ACOXL: variants seen among roughly 807,000 people sequenced by gnomAD.
The protein encoded by ACOXL is acyl-CoA oxidase like, also known as acyl-coenzyme A oxidase-like protein.
ACOXL carries 70 observed loss-of-function variants against 71.9 expected under a neutral mutation model. That is an observed-to-expected ratio of 0.97 (90% confidence interval 0.80 to 1.19). ACOXL has a LOEUF of 1.19. Among genes scored for constraint, ACOXL ranks in the 50% most tolerant of loss-of-function variants. The pLI is 0.00. For synonymous variants in ACOXL, 253 were observed against 281.6 expected, an observed-to-expected ratio of 0.90 and a Z score of 1.02; for missense variants, 703 against 736.3, an observed-to-expected ratio of 0.95 and a Z score of 0.52.
chr2:110,893,863 A>G (rs1191377371), intron 10 of ACOXL, among the ~76,000 whole-genome samples: 2 of 152,184 alleles, frequency 1.3e-5, no homozygotes. Flanking sequence ...ATATTTTCTT[A>G]TTCCTCATAG....
chr2:110,836,285 T>A (rs1462974082), intron 9 of ACOXL, among the ~76,000 whole-genome samples: 1 of 152,156 alleles, frequency 6.6e-6, no homozygotes, highest in East Asian at 1.9e-4. Flanking sequence ...GTTACAGAAA[T>A]CTGTCCTGTG....
intron 12 of ACOXL, among the ~76,000 whole-genome samples, chr2:110,957,182 C>A (rs776810993): frequency 2.0e-5 from 3 of 151,098 alleles, no homozygotes; most frequent in Non-Finnish European, 4.4e-5. Flanking sequence ...TACCACCCAT[C>A]GACCCCACCA....
intron 11 of ACOXL, among the ~76,000 whole-genome samples, chr2:110,928,874 C>T (rs1054953289): frequency 2.0e-4 from 31 of 152,224 alleles, no homozygotes; most frequent in African/African-American, 6.5e-4. Context: ...ACTTGTCTCC[C>T]ATTGTCTTCT....
rs138463201 is a variant in ACOXL at position 110,982,089 on chromosome 2, C to T, written c.1060-5019C>T. Among the ~76,000 whole-genome samples, 326 of 152,264 alleles carry T rather than the reference C, an allele frequency of 2.1e-3. 1 individual carries two copies. Among genetic ancestry groups the T allele is most frequent in the Non-Finnish European group, 3.6e-3 (244 of 68,018 alleles). On this transcript the variant is annotated intron_variant, in intron 12 of 17. Coordinates refer to ENST00000439055, the MANE Select transcript of ACOXL (RefSeq NM_001142807.4). Reference sequence around the variant, plus strand: ...CTGGGCCTAAATCACTGCTTCAGATCCATCCATCCTTCCTGGTTTGAAGTT... The same window carrying T: ...CTGGGCCTAAATCACTGCTTCAGATTCATCCATCCTTCCTGGTTTGAAGTT...
chr2:110,754,128 A>G (rs965395255), intron 1 of ACOXL, among the ~76,000 whole-genome samples: 2 of 145,654 alleles, frequency 1.4e-5, no homozygotes, highest in Non-Finnish European at 3.0e-5. Flanking sequence ...GCTGGAGTGC[A>G]GTGGCATGAT....
At chr2:111,035,556 G>A (rs566902919) in intron 15 of ACOXL, among the ~76,000 whole-genome samples, 2 of 152,230 alleles carry the variant, frequency 1.3e-5, no homozygotes, top group South Asian at 2.1e-4. Flanking sequence ...TCTCATTCTC[G>A]AAGCTTGTGA....
intron 12 of ACOXL, among the ~76,000 whole-genome samples, chr2:110,942,380 C>T (rs1455204208): frequency 1.3e-5 from 2 of 152,032 alleles, no homozygotes; most frequent in Admixed American, 6.6e-5. Context: ...AAAGATGCAC[C>T]ATGTTAATGC....
intron 9 of ACOXL, among the ~76,000 whole-genome samples, chr2:110,820,665 T>A (rs1688490832): frequency 6.6e-6 from 1 of 152,166 alleles, no homozygotes; most frequent in Admixed American, 6.5e-5. Flanking sequence ...TGGAGACTGT[T>A]ATACCTCTGG....
intron 10 of ACOXL, among the ~76,000 whole-genome samples, chr2:110,847,716 C>T (rs71431126): frequency 0.019 from 2,874 of 152,280 alleles, 48 homozygotes; most frequent in Middle Eastern, 0.037. Context: ...TTATAGTCAC[C>T]GGCCCCGTAA....
At chr2:110,828,537 T>C (rs748329106) in intron 9 of ACOXL, among the ~76,000 whole-genome samples, 1 of 152,230 alleles carries the variant, frequency 6.6e-6, no homozygotes, top group African/African-American at 2.4e-5. Flanking sequence ...TTTTTCTAGA[T>C]TGAATTCCTG....
At chr2:110,977,078 T>G (rs1159171254) in intron 12 of ACOXL, among the ~76,000 whole-genome samples, 2 of 152,134 alleles carry the variant, frequency 1.3e-5, no homozygotes, top group East Asian at 3.9e-4. Context: ...CAAGTATATT[T>G]AAAACCATTA....
intron 16 of ACOXL, among the ~76,000 whole-genome samples, chr2:111,085,357 C>T (rs960194493): frequency 6.6e-6 from 1 of 152,128 alleles, no homozygotes; most frequent in Admixed American, 6.6e-5. Flanking sequence ...AATTCAAAAA[C>T]ACTGAAATCA....
chr2:110,734,208 A>G (rs911559777), intron 1 of ACOXL, among the ~76,000 whole-genome samples: 4 of 151,934 alleles, frequency 2.6e-5, no homozygotes, highest in Non-Finnish European at 5.9e-5. Context: ...TTTCTGTTTT[A>G]ATTTCTAATA....
Position 110,871,571 on chromosome 2 carries a change from A to G in ACOXL, c.788+30166A>G, listed in dbSNP as rs138729896. Among the ~76,000 whole-genome samples, 939 of 152,230 alleles carry G rather than the reference A, an allele frequency of 6.2e-3. 11 individuals carry two copies. Among genetic ancestry groups the G allele is most frequent in the African/African-American group, 0.021 (891 of 41,528 alleles). ...GGGATGTGGCTCAACAGGAATCTTCAGTTAACTGTGTGGAAGAATGAAAGG... is the reference window on the plus strand; with the variant it reads ...GGGATGTGGCTCAACAGGAATCTTCGGTTAACTGTGTGGAAGAATGAAAGG... On this transcript the variant is annotated intron_variant, in intron 10 of 17. Transcript: ENST00000439055.
At chr2:110,777,158 G>A (rs1682755303) in intron 2 of ACOXL, among the ~76,000 whole-genome samples, 2 of 152,120 alleles carry the variant, frequency 1.3e-5, no homozygotes, top group Admixed American at 1.3e-4. Flanking sequence ...ACATGTTTGC[G>A]ATGTTTAGGG....
chr2:110,745,712 A>G (rs1330375435), intron 1 of ACOXL, among the ~76,000 whole-genome samples: 3 of 152,200 alleles, frequency 2.0e-5, no homozygotes, highest in Admixed American at 6.5e-5. Context: ...ACTGATTCCA[A>G]ATGAAAATAT....
At chr2:110,822,656 T>C (rs1688753339) in intron 9 of ACOXL, among the ~76,000 whole-genome samples, 1 of 152,192 alleles carries the variant, frequency 6.6e-6, no homozygotes, top group Admixed American at 6.5e-5. Context: ...AGCCCCTCAA[T>C]GTTTAAATGT....
At chr2:110,783,450 G>C (rs1164435541) in intron 2 of ACOXL, among the ~76,000 whole-genome samples, 1 of 152,190 alleles carries the variant, frequency 6.6e-6, no homozygotes, top group Non-Finnish European at 1.5e-5. Flanking sequence ...ACAGCCTGCT[G>C]TTTGTTCAAA....
intron 10 of ACOXL, among the ~76,000 whole-genome samples, chr2:110,880,530 G>A (rs573561812): frequency 6.6e-6 from 1 of 152,362 alleles, no homozygotes; most frequent in African/African-American, 2.4e-5. Flanking sequence ...AAACAAGGCT[G>A]TGGTGAGTGA....
Sources: gnomAD v4.1 joint callset for allele counts (sites outside exome capture counted in the v4.1 genomes callset) on GRCh38, gnomAD v4.1.1 for gene constraint, MANE v1.5 for transcripts, NCBI Gene and HGNC (gene_info 2026-07-23, HGNC 2026-07-21) for gene names.